The following CSMD1 variants were observed in gnomAD, a reference collection of about 807,000 sequenced individuals.
CSMD1 encodes the protein CUB and sushi domain-containing protein 1.
Under a neutral mutation model 417.5 loss-of-function variants are expected in CSMD1, and 213 were observed. The observed-to-expected ratio is 0.51, with a 90% CI of 0.46 to 0.57. The LOEUF is 0.57. CSMD1 is among the 20% of genes least tolerant of loss of function. CSMD1 has a pLI of 0.00. For synonymous variants in CSMD1, 2,862 were observed against 1,736.8 expected (o/e 1.65, Z -16.11); for missense variants, 6,923 against 4,529.7 (o/e 1.53, Z -15.17).
intron 3 of CSMD1, among the ~76,000 whole-genome samples, chr8:4,066,081 A>C (rs1399893590): frequency 6.6e-6 from 1 of 152,216 alleles, no homozygotes; most frequent in Non-Finnish European, 1.5e-5. Flanking sequence ...GCTCATTTAC[A>C]AAACAATGAA....
At chr8:4,662,664 G>C (rs1444275224) in intron 1 of CSMD1, among the ~76,000 whole-genome samples, 3 of 152,114 alleles carry the variant, frequency 2.0e-5, no homozygotes, top group Non-Finnish European at 4.4e-5. Flanking sequence ...CCGCCACTTC[G>C]TTTTGTGGTC....
At chr8:3,090,531 T>C (rs1195862456) in intron 48 of CSMD1, among the ~76,000 whole-genome samples, 1 of 152,148 alleles carries the variant, frequency 6.6e-6, no homozygotes, top group Non-Finnish European at 1.5e-5. Context: ...CCATTTTATA[T>C]GTCTACCAAC....
intron 56 of CSMD1, among the ~76,000 whole-genome samples, chr8:2,973,949 G>A (rs1383288939): frequency 7.0e-6 from 1 of 142,114 alleles, no homozygotes; most frequent in Non-Finnish European, 1.5e-5. Flanking sequence ...GAGGATGATG[G>A]TAGAGGATGA....
chr8:3,898,991 A>T (rs1238278747), intron 5 of CSMD1, among the ~76,000 whole-genome samples: 1 of 152,210 alleles, frequency 6.6e-6, no homozygotes, highest in Non-Finnish European at 1.5e-5. Context: ...TACATATTTC[A>T]GTGCTAAAAT....
chr8:3,692,547 G>A (rs969669038), intron 7 of CSMD1, among the ~76,000 whole-genome samples: 2 of 151,682 alleles, frequency 1.3e-5, no homozygotes, highest in African/African-American at 4.9e-5. Flanking sequence ...GTTCTCTCCT[G>A]CCTCAGCCTC....
rs868180024 is a variant in CSMD1, at chr8:3,712,492, A to G, written c.932-4001T>C. 4.6e-5 allele frequency among the ~76,000 whole-genome samples: 7 copies of G among 152,264 alleles called. No individual in the cohort carries two copies. In the Middle Eastern group the frequency reaches 0.01, roughly 222 times the overall value. ...CAGGAATGCAGGAGAAAGGTAAGTC[A>G]CCTATGGCAAATCCCTGCAATAGCC... On this transcript the variant is annotated intron_variant, in intron 6 of 69. Coordinates refer to ENST00000635120, the MANE Select transcript of CSMD1 (RefSeq NM_033225.6).
At chr8:3,102,623 A>T (rs951262954) in intron 46 of CSMD1, among the ~76,000 whole-genome samples, 1 of 152,228 alleles carries the variant, frequency 6.6e-6, no homozygotes, top group Admixed American at 6.5e-5. Flanking sequence ...ATGCAAAGAT[A>T]ACAGCATGCA....
intron 50 of CSMD1, among the ~76,000 whole-genome samples, chr8:3,039,375 TCTTC>T (rs927310806): frequency 1.9e-4 from 25 of 132,048 alleles, no homozygotes; most frequent in African/African-American, 2.3e-4. Context: ...TACTTTCCTT[TCTTC>T]CTTCCTTCCT....
At chr8:3,936,184 GA>G (rs35166741) in intron 5 of CSMD1, among the ~76,000 whole-genome samples, 108,738 of 142,680 alleles carry the variant, frequency 0.76, 40,882 homozygotes, top group Middle Eastern at 0.81. Flanking sequence ...TAGGGTTTAA[GA>G]AAAAAAAAAA....
At chr8:4,073,938 C>T (rs978344765) in intron 3 of CSMD1, among the ~76,000 whole-genome samples, 8 of 152,006 alleles carry the variant, frequency 5.3e-5, no homozygotes, top group South Asian at 2.1e-4. Context: ...CGGTTTTTGA[C>T]GGTTGCTTCT....
chr8:3,343,962 G>C (rs1354044519), intron 22 of CSMD1, among the ~76,000 whole-genome samples: 2 of 152,162 alleles, frequency 1.3e-5, no homozygotes, highest in Non-Finnish European at 2.9e-5. Flanking sequence ...CAAGCCTCCG[G>C]TGGCTTTCAT....
intron 50 of CSMD1, among the ~76,000 whole-genome samples, chr8:3,044,101 T>C (rs1172931531): frequency 6.6e-6 from 1 of 152,168 alleles, no homozygotes; most frequent in Non-Finnish European, 1.5e-5. Context: ...TTGATGTTGA[T>C]TATGTTATAT....
At chr8:2,940,453 G>T (rs112522377) in intron 69 of CSMD1, among the ~76,000 whole-genome samples, 1 of 152,112 alleles carries the variant, frequency 6.6e-6, no homozygotes, top group Non-Finnish European at 1.5e-5. Flanking sequence ...TTGTGATGAC[G>T]ACAGATTCCC....
intron 12 of CSMD1, among the ~76,000 whole-genome samples, chr8:3,456,473 G>C (rs1816147578): frequency 6.6e-6 from 1 of 152,182 alleles, no homozygotes; most frequent in Admixed American, 6.5e-5. Flanking sequence ...ATACAATTTA[G>C]AAAATGCATA....
intron 12 of CSMD1, among the ~76,000 whole-genome samples, chr8:3,411,085 T>C (rs1239541410): frequency 6.6e-6 from 1 of 152,154 alleles, no homozygotes; most frequent in Non-Finnish European, 1.5e-5. Flanking sequence ...GCTTCCTGTT[T>C]GTGCAGAGTG....
intron 5 of CSMD1, among the ~76,000 whole-genome samples, chr8:3,807,056 G>C (rs1360836638): frequency 3.3e-5 from 5 of 152,112 alleles, no homozygotes; most frequent in Admixed American, 6.6e-5. Flanking sequence ...AAGTCTGGTA[G>C]CTTAATTATT....
chr8:4,725,404 A>G (rs1371450427), intron 1 of CSMD1, among the ~76,000 whole-genome samples: 1 of 152,240 alleles, frequency 6.6e-6, no homozygotes, highest in Non-Finnish European at 1.5e-5. Flanking sequence ...GCGCAATAAT[A>G]TAAACAAAGT....
At chr8:4,415,753 G>A (rs866904123) in intron 3 of CSMD1, among the ~76,000 whole-genome samples, 2 of 152,194 alleles carry the variant, frequency 1.3e-5, no homozygotes, top group African/African-American at 4.8e-5. Context: ...ACTTACACTT[G>A]TGCACGTATA....
chr8:3,539,250 C>G (rs529188046), intron 10 of CSMD1, among the ~76,000 whole-genome samples: 22 of 152,328 alleles, frequency 1.4e-4, no homozygotes, highest in South Asian at 1.0e-3. Flanking sequence ...CCTTCAGTCA[C>G]TCTCTCCTGG....
Sources: gnomAD v4.1 joint callset for allele counts (sites outside exome capture counted in the v4.1 genomes callset) on GRCh38, gnomAD v4.1.1 for gene constraint, MANE v1.5 for transcripts, NCBI Gene and HGNC (gene_info 2026-07-23, HGNC 2026-07-21) for gene names.